The following MYO9B variants were observed in gnomAD, a reference collection of about 807,000 sequenced individuals.
The protein encoded by MYO9B is myosin IXB, also known as unconventional myosin-IXb.
MYO9B carries 71 observed loss-of-function variants against 229.5 expected under a neutral mutation model. The observed-to-expected ratio is 0.31, with a 90% CI of 0.26 to 0.38. The LOEUF (loss-of-function observed/expected upper bound fraction) is 0.38, where lower values mean the gene tolerates loss of function less well. Ranked by LOEUF, MYO9B falls within the 10% of genes least tolerant of loss-of-function variation. The pLI, the probability that MYO9B is intolerant of heterozygous loss-of-function variation, is 1.00. For synonymous variants in MYO9B, 1,185 were observed against 1,235.8 expected (o/e 0.96, Z 0.86); for missense variants, 2,255 against 2,920.5 (o/e 0.77, Z 5.25).
At chr19:17,130,339 G>A (rs999653003) in intron 2 of MYO9B, among the ~76,000 whole-genome samples, 57 of 151,756 alleles carry the variant, frequency 3.8e-4, no homozygotes, top group Middle Eastern at 3.4e-3. Flanking sequence ...GGCATTGGCC[G>A]GGCACGGTGG....
rs185851971 is a variant in MYO9B, at chr19:17,199,423, G to T, written c.4239-870G>T. 7.2e-4 allele frequency among the ~76,000 whole-genome samples: 109 copies of T among 152,018 alleles called. No homozygotes were observed. In the East Asian group the frequency reaches 0.02, roughly 28 times the overall value. ...TGGAGTCCCCCTGTGGCTTCTGTTT[G>T]GTATCCTTCTTTCTTCACATAACTC... On this transcript the variant is annotated intron_variant, in intron 24 of 39. Coordinates refer to ENST00000682292, the MANE Select transcript of MYO9B (RefSeq NM_004145.4).
rs1159956261 is a variant in MYO9B, at chr19:17,172,387, T to C, written c.1845T>C (p.His615=). ...TGCTGGCCAAGTTCAAACAGCAACA[T>C]GAGGACAATAAGTACTTCCTGGGCA... ...QTLLAKFKQQ[H]EDNKYFLGTP... Residue 615 remains histidine (H), a synonymous_variant, in exon 12 of 40, where the codon CAT becomes CAC. Coordinates refer to ENST00000682292, the MANE Select transcript of MYO9B (RefSeq NM_004145.4). This position sits in a 1 kb window ranked among gnomAD's most constrained non-coding sequence, Gnocchi z 8.2. 2 of 1,613,906 alleles carry C rather than the reference T, an allele frequency of 1.2e-6. No homozygotes were observed. Among genetic ancestry groups the C allele is most frequent in the Non-Finnish European group, 1.7e-6 (2 of 1,179,866 alleles).
chr19:17,197,977 G>T (rs2073064856), intron 23 of MYO9B, 119 bp downstream of exon 23: 2 of 1,398,972 alleles, frequency 1.4e-6, no homozygotes, highest in Non-Finnish European at 2.0e-6. Flanking sequence ...TCGCTTGAAC[G>T]CAGTGGCAGG....
chr19:17,108,404 C>T (rs541663763), intron 2 of MYO9B, among the ~76,000 whole-genome samples: 2 of 152,214 alleles, frequency 1.3e-5, no homozygotes, highest in East Asian at 1.9e-4. Context: ...AGGGCCGGAT[C>T]GTTCTCTGGG....
At chr19:17,136,820 A>G (rs904953802) in intron 2 of MYO9B, among the ~76,000 whole-genome samples, 1 of 152,178 alleles carries the variant, frequency 6.6e-6, no homozygotes, top group Non-Finnish European at 1.5e-5. Context: ...GACCGGGCCC[A>G]GTGGCTCACA....
chr19:17,197,406 T>TA (rs1555704365), intron 22 of MYO9B, among the ~76,000 whole-genome samples: 1,463 of 128,800 alleles, frequency 0.011, 28 homozygotes, highest in African/African-American at 0.035. Flanking sequence ...GATAGATAGA[T>TA]GATAGATAGA....
intron 2 of MYO9B, among the ~76,000 whole-genome samples, chr19:17,132,636 C>T (rs1205259421): frequency 6.8e-6 from 1 of 146,986 alleles, no homozygotes; most frequent in East Asian, 2.0e-4. Flanking sequence ...TCGTGCCATT[C>T]TCCTGCCTCA....
At chr19:17,185,556 A>AAAAAC (rs2072909383) in intron 17 of MYO9B, among the ~76,000 whole-genome samples, 1 of 150,186 alleles carries the variant, frequency 6.7e-6, no homozygotes, top group Admixed American at 6.6e-5. Flanking sequence ...CAAAAAAAAA[A>AAAAAC]AAACAAAACA....
chr19:17,129,333 T>C (rs1000907186), intron 2 of MYO9B, among the ~76,000 whole-genome samples: 1 of 151,594 alleles, frequency 6.6e-6, no homozygotes, highest in Admixed American at 6.6e-5. Flanking sequence ...GCCCGGGAGG[T>C]GGAGGCTGCA....
chr19:17,106,088 G>A (rs982787429), intron 2 of MYO9B, among the ~76,000 whole-genome samples: 2 of 150,516 alleles, frequency 1.3e-5, no homozygotes, highest in South Asian at 2.1e-4. Context: ...CCGCAGCCTC[G>A]AGAACTTCTG....
Position 17,124,445 on chromosome 19 carries a change from A to G in MYO9B, c.841-20952A>G, listed in dbSNP as rs897165984. 6.6e-5 allele frequency among the ~76,000 whole-genome samples: 10 copies of G among 152,314 alleles called. 1 individual carries two copies. The South Asian group carries it at 1.9e-3, about 28-fold the overall frequency. ...AAAACTTCGTGGAACTTTTTTTTAA[A>G]GTAAACTTATATTGAGCAACTCTTA... On this transcript the variant is annotated intron_variant, in intron 2 of 39. Transcript: ENST00000682292.
chr19:17,185,373 CAAAAA>C (rs200070053), intron 17 of MYO9B, among the ~76,000 whole-genome samples: 1 of 107,554 alleles, frequency 9.3e-6, no homozygotes. Context: ...GACTCCATCT[CAAAAA>C]AAAAAAAAAA....
At chr19:17,205,482 C>T in intron 31 of MYO9B, 146 bp downstream of exon 31, 1 of 732,444 alleles carries the variant, frequency 1.4e-6, no homozygotes. Flanking sequence ...CAGAACACAC[C>T]ATTGTCCCCG....
chr19:17,182,412 C>CA (rs1555701891), intron 15 of MYO9B, among the ~76,000 whole-genome samples: 3 of 148,516 alleles, frequency 2.0e-5, no homozygotes, highest in Non-Finnish European at 4.5e-5. Flanking sequence ...ACTTCTGTTC[C>CA]TTTTTTTTTT....
intron 19 of MYO9B, among the ~76,000 whole-genome samples, chr19:17,188,308 A>G (rs1208291588): frequency 3.3e-5 from 5 of 151,506 alleles, no homozygotes; most frequent in Non-Finnish European, 7.4e-5. Context: ...AGCTGCCTGT[A>G]TTCCTAGCTA....
At chr19:17,159,181 G>A (rs2072570600) in intron 7 of MYO9B, among the ~76,000 whole-genome samples, 1 of 135,648 alleles carries the variant, frequency 7.4e-6, no homozygotes, top group African/African-American at 2.7e-5. Flanking sequence ...GTGATAGAGT[G>A]AGACTCTGTC....
Position 17,184,879 on chromosome 19 carries a change from C to CA in MYO9B, c.2390dup (p.Ser798ValfsTer39). On this transcript the variant is annotated frameshift_variant, in exon 17 of 40. Transcript: ENST00000682292. LOFTEE classifies it high-confidence loss of function. ...GTCTGTCCTAGAACCTACTGGACTC[C>CA]AAGTCCCTGAAACTCATCATCAGCA... The CA allele has an allele frequency of 6.2e-7, 1 of 1,613,844 alleles. No individual in the cohort carries two copies. The highest frequency in any genetic ancestry group is 8.5e-7 in the Non-Finnish European group (1 of 1,179,812).
chr19:17,102,570 G>A lies in MYO9B; in HGVS notation c.840+13G>A. ...CCCTGTGCTGGAGGTGAGCGGGGAA[G>A]CTGGTCGGTCTGTGGGAGGGGGCAT... On this transcript the variant is annotated intron_variant, in intron 2 of 39. Transcript: ENST00000682292. The A allele has an allele frequency of 6.4e-7, 1 of 1,561,962 alleles. No homozygotes were observed. The highest frequency in any genetic ancestry group is 1.4e-5 in the African/African-American group (1 of 73,926).
At chr19:17,097,342 A>C (rs905534932) in intron 1 of MYO9B, among the ~76,000 whole-genome samples, 47 of 151,590 alleles carry the variant, frequency 3.1e-4, no homozygotes, top group Non-Finnish European at 6.0e-4. Flanking sequence ...AAAAAAAAAA[A>C]CAGCATCTCG....
Sources: gnomAD v4.1 joint callset for allele counts (sites outside exome capture counted in the v4.1 genomes callset) on GRCh38, gnomAD v4.1.1 for gene constraint, Gnocchi (gnomAD v3.1) non-coding constraint, MANE v1.5 for transcripts, NCBI Gene and HGNC (gene_info 2026-07-23, HGNC 2026-07-21) for gene names.